ULK4: variants seen among roughly 807,000 people sequenced by gnomAD.
The protein encoded by ULK4 is inactive serine/threonine-protein kinase ULK4.
Under a neutral mutation model 160.6 loss-of-function variants are expected in ULK4, and 133 were observed. The observed-to-expected ratio is 0.83, with a 90% CI of 0.72 to 0.96. The LOEUF (loss-of-function observed/expected upper bound fraction) is 0.96, where lower values mean the gene tolerates loss of function less well. Among genes scored for constraint, ULK4 ranks in the 40% least tolerant of loss-of-function variants. The pLI is 0.00. For missense variants in ULK4, 1,580 were observed against 1,499.5 expected (o/e 1.05, Z -0.89); for synonymous variants, 534 against 539.8 (o/e 0.99, Z 0.15).
In ULK4 at chr3:41,346,974, C is replaced by T. The variant is rs141755327; in HGVS notation, c.3678+51105G>A. Among the ~76,000 whole-genome samples, 1,073 of 152,174 alleles carry T rather than the reference C, an allele frequency of 7.1e-3. 11 individuals are homozygous for T. The highest frequency in any genetic ancestry group is 0.025 in the African/African-American group (1,026 of 41,528). ...AATGGCTTAAAAATAATCTACAATA[C>T]ATGGAGTCATTACTCAGGATTTATC... On this transcript the variant is annotated intron_variant, in intron 35 of 36. Transcript: ENST00000301831.
intron 31 of ULK4, among the ~76,000 whole-genome samples, chr3:41,589,014 A>G (rs1259614833): frequency 5.9e-5 from 9 of 152,154 alleles, no homozygotes; most frequent in Non-Finnish European, 1.5e-5. Flanking sequence ...AGAATGAGAC[A>G]TGTCATAAAA....
At chr3:41,895,292 C>A (rs1183967374) in intron 16 of ULK4, among the ~76,000 whole-genome samples, 1 of 151,940 alleles carries the variant, frequency 6.6e-6, no homozygotes, top group Non-Finnish European at 1.5e-5. Flanking sequence ...TCCAGGAGTA[C>A]CTTAGATAAT....
At chr3:41,826,252 A>G (rs1224553086) in intron 18 of ULK4, among the ~76,000 whole-genome samples, 1 of 152,212 alleles carries the variant, frequency 6.6e-6, no homozygotes, top group African/African-American at 2.4e-5. Context: ...TGAATCAACT[A>G]ACGAGCAAAA....
chr3:41,774,178 T>C (rs867071042), intron 21 of ULK4, among the ~76,000 whole-genome samples: 5,078 of 151,364 alleles, frequency 0.034, 195 homozygotes, highest in African/African-American at 0.094. Flanking sequence ...ACTTCATGTC[T>C]AAAACACCAA....
At chr3:41,789,311 G>A (rs545224703) in intron 21 of ULK4, among the ~76,000 whole-genome samples, 87 of 152,182 alleles carry the variant, frequency 5.7e-4, no homozygotes, top group African/African-American at 1.7e-3. Context: ...AAATATAAAG[G>A]GACTCCTCCC....
chr3:41,776,561 G>T (rs1027122525), intron 21 of ULK4, among the ~76,000 whole-genome samples: 2 of 150,624 alleles, frequency 1.3e-5, no homozygotes, highest in Non-Finnish European at 2.9e-5. Context: ...GATCTCTGAG[G>T]TAAGTTTAAA....
At chr3:41,772,406 G>A (rs997680492) in intron 21 of ULK4, among the ~76,000 whole-genome samples, 1 of 152,006 alleles carries the variant, frequency 6.6e-6, no homozygotes, top group African/African-American at 2.4e-5. Flanking sequence ...CGATCCCACA[G>A]AAATACAAAC....
chr3:41,789,932 G>A, intron 20 of ULK4, 89 bp from the exon 21 acceptor site: 1 of 1,212,514 alleles, frequency 8.2e-7, no homozygotes, highest in Non-Finnish European at 1.1e-6. Flanking sequence ...GTGTCAAGGA[G>A]TAGAAGGTGC....
intron 31 of ULK4, among the ~76,000 whole-genome samples, chr3:41,593,014 C>T: frequency 6.6e-6 from 1 of 152,166 alleles, no homozygotes; most frequent in African/African-American, 2.4e-5. Context: ...GGCTGCATAG[C>T]TAGGAATTCT....
intron 5 of ULK4, among the ~76,000 whole-genome samples, chr3:41,929,209 T>C (rs1035223895): frequency 6.6e-6 from 1 of 152,148 alleles, no homozygotes; most frequent in Non-Finnish European, 1.5e-5. Flanking sequence ...ATAAATGTAA[T>C]CCATTACATA....
At chr3:41,359,128 C>T (rs1455144429) in intron 35 of ULK4, among the ~76,000 whole-genome samples, 2 of 152,128 alleles carry the variant, frequency 1.3e-5, no homozygotes, top group Admixed American at 1.3e-4. Context: ...CAAGGTCTGA[C>T]TTGGGAAACT....
chr3:41,445,480 A>C (rs1259482611), intron 34 of ULK4, among the ~76,000 whole-genome samples: 1 of 152,202 alleles, frequency 6.6e-6, no homozygotes, highest in Admixed American at 6.5e-5. Flanking sequence ...ACTATGCTAC[A>C]AGGCTACAGT....
intron 36 of ULK4, among the ~76,000 whole-genome samples, chr3:41,247,448 C>T (rs1305861637): frequency 1.3e-5 from 2 of 152,172 alleles, no homozygotes; most frequent in African/African-American, 2.4e-5. Flanking sequence ...GAGCTTAAAA[C>T]GGGAACTTTT....
intron 35 of ULK4, among the ~76,000 whole-genome samples, chr3:41,347,001 T>C (rs954463430): frequency 4.6e-5 from 7 of 152,144 alleles, no homozygotes; most frequent in African/African-American, 1.7e-4. Flanking sequence ...GGATTTATCT[T>C]CAAAGAACTC....
chr3:41,659,672 T>TA (rs34768898), intron 30 of ULK4, among the ~76,000 whole-genome samples: 32,314 of 145,018 alleles, frequency 0.22, 3,928 homozygotes, highest in Non-Finnish European at 0.28. Context: ...TTGGCCATAT[T>TA]AAAAAAAAAA....
At chr3:41,339,910 C>A (rs2080646084) in intron 35 of ULK4, among the ~76,000 whole-genome samples, 1 of 152,114 alleles carries the variant, frequency 6.6e-6, no homozygotes, top group Non-Finnish European at 1.5e-5. Context: ...ATATTATTTG[C>A]ATAAATTTGT....
intron 35 of ULK4, among the ~76,000 whole-genome samples, chr3:41,396,876 G>C (rs975431701): frequency 6.6e-6 from 1 of 152,086 alleles, no homozygotes; most frequent in African/African-American, 2.4e-5. Context: ...GGTTGGGGGG[G>C]AGTCACACCC....
At chr3:41,505,088 A>G (rs1406792581) in intron 32 of ULK4, among the ~76,000 whole-genome samples, 3 of 152,194 alleles carry the variant, frequency 2.0e-5, no homozygotes, top group Non-Finnish European at 4.4e-5. Context: ...TAAGGTACAC[A>G]TATACCAGTA....
chr3:41,783,663 T>C (rs1480308968), intron 21 of ULK4, among the ~76,000 whole-genome samples: 2 of 152,196 alleles, frequency 1.3e-5, no homozygotes, highest in Non-Finnish European at 2.9e-5. Context: ...TGCATACCAC[T>C]GTGCCCAGCT....
Sources: allele counts gnomAD v4.1 joint callset (sites outside exome capture counted in the v4.1 genomes callset), GRCh38; gene constraint gnomAD v4.1.1; transcripts MANE v1.5; gene names NCBI Gene and HGNC (gene_info 2026-07-23, HGNC 2026-07-21).